Variants in PREX2 observed in about 807,000 individuals in gnomAD.
PREX2 encodes the protein phosphatidylinositol 3,4,5-trisphosphate-dependent Rac exchanger 2 protein.
A neutral mutation model predicts 203.2 loss-of-function variants in PREX2; 107 were observed. The observed-to-expected ratio is 0.53, with a 90% CI of 0.45 to 0.62. PREX2 has a LOEUF of 0.62. Among genes scored for constraint, PREX2 ranks in the 20% least tolerant of loss-of-function variants. PREX2 has a pLI of 0.00. For synonymous variants in PREX2, 672 were observed against 663.6 expected (o/e 1.01, Z -0.19); for missense variants, 1,777 against 1,955.9 (o/e 0.91, Z 1.72).
intron 4 of PREX2, among the ~76,000 whole-genome samples, chr8:68,024,395 A>G (rs1807654959): frequency 6.6e-6 from 1 of 151,932 alleles, no homozygotes; most frequent in Admixed American, 6.6e-5. Flanking sequence ...TGTTAGATTC[A>G]TATTTCTGTT....
intron 26 of PREX2, among the ~76,000 whole-genome samples, chr8:68,116,696 G>GTGGCTTA (rs1490940294): frequency 1.3e-5 from 2 of 152,126 alleles, no homozygotes; most frequent in Non-Finnish European, 2.9e-5. Flanking sequence ...ATTTTATAGG[G>GTGGCTTA]TGGCTTAAGG....
chr8:67,990,471 G>A (rs908535690), intron 1 of PREX2, among the ~76,000 whole-genome samples: 2 of 148,930 alleles, frequency 1.3e-5, no homozygotes, highest in Non-Finnish European at 3.0e-5. Context: ...GAATCATTTT[G>A]CCTTTTAAAA....
intron 30 of PREX2, among the ~76,000 whole-genome samples, chr8:68,121,277 A>G (rs188131564): frequency 3.0e-4 from 46 of 152,260 alleles, no homozygotes; most frequent in Non-Finnish European, 6.2e-4. Context: ...CAGTGAATAA[A>G]ATAAGGGCTC....
chr8:68,077,999 C>T (rs1371514612), intron 15 of PREX2, among the ~76,000 whole-genome samples: 5 of 151,854 alleles, frequency 3.3e-5, no homozygotes, highest in Non-Finnish European at 7.4e-5. Flanking sequence ...TCAAGTAAGT[C>T]ACCACAAAAC....
chr8:68,084,906 A>ACTTTC (rs1809635436), intron 18 of PREX2, among the ~76,000 whole-genome samples: 1 of 152,160 alleles, frequency 6.6e-6, no homozygotes, highest in African/African-American at 2.4e-5. Flanking sequence ...CTGATCAGAG[A>ACTTTC]CATTCCAACT....
At chr8:68,103,693 G>A (rs1303907128) in intron 23 of PREX2, 6 of 519,318 alleles carry the variant, frequency 1.2e-5, no homozygotes, top group Non-Finnish European at 2.3e-5. Context: ...TATCCTGATA[G>A]CATTCCTTGT....
At chr8:68,223,359 C>G (rs530199291) in intron 38 of PREX2, 1 of 152,064 alleles carries the variant, frequency 6.6e-6, no homozygotes, top group African/African-American at 2.4e-5. Flanking sequence ...GGGGAAAGAG[C>G]AGAATAATGA....
intron 37 of PREX2, among the ~76,000 whole-genome samples, chr8:68,208,253 CTG>C (rs1258081523): frequency 6.6e-6 from 1 of 152,118 alleles, no homozygotes; most frequent in African/African-American, 2.4e-5. Flanking sequence ...CATTAACACA[CTG>C]AACTGTACAC....
rs952536946 is a variant in PREX2, at chr8:68,232,754, A to T, written c.*1376A>T. On this transcript the variant is annotated 3_prime_UTR_variant, in exon 40 of 40. Coordinates refer to ENST00000288368, the MANE Select transcript of PREX2 (RefSeq NM_024870.4). ...TTGCCTCAGCCTCCCAGGAGCTGGG[A>T]CTACAGGTGTGCACCACCATGCTCA... The T allele has an allele frequency of 1.2e-4, 18 of 152,090 alleles. No homozygotes were observed. Among genetic ancestry groups the T allele is most frequent in the African/African-American group, 3.9e-4 (16 of 41,386 alleles). The allele number at this position is 152,090 out of a possible 1,614,324, so 9.4% of individuals were successfully genotyped here. A position where few individuals can be genotyped will look rare whatever the true frequency, so the allele number is the denominator to read the frequency against.
chr8:68,214,540 A>C (rs1359150937), intron 37 of PREX2, among the ~76,000 whole-genome samples: 1 of 152,048 alleles, frequency 6.6e-6, no homozygotes, highest in African/African-American at 2.4e-5. Context: ...CGTAAACCTG[A>C]CTCTGAGTAT....
intron 1 of PREX2, among the ~76,000 whole-genome samples, chr8:67,975,412 T>C (rs139820186): frequency 6.6e-6 from 1 of 151,888 alleles, no homozygotes; most frequent in East Asian, 1.9e-4. Flanking sequence ...TCTAATGCAG[T>C]GCCAGGCCTA....
At chr8:68,039,672 C>T (rs911826440) in intron 7 of PREX2, among the ~76,000 whole-genome samples, 1 of 152,138 alleles carries the variant, frequency 6.6e-6, no homozygotes, top group Non-Finnish European at 1.5e-5. Context: ...TCACTCCTCT[C>T]CCAGCTTTCC....
intron 35 of PREX2, among the ~76,000 whole-genome samples, chr8:68,169,274 C>A (rs923554540): frequency 7.2e-5 from 11 of 152,042 alleles, no homozygotes; most frequent in African/African-American, 2.7e-4. Flanking sequence ...CAGACCCAGG[C>A]CACGCACCCA....
At chr8:68,018,997 A>G (rs1025901742) in intron 2 of PREX2, among the ~76,000 whole-genome samples, 1 of 152,226 alleles carries the variant, frequency 6.6e-6, no homozygotes, top group African/African-American at 2.4e-5. Flanking sequence ...AATTGAAGAC[A>G]CTTTGGCTCA....
At chr8:68,114,486 G>GT (rs573581941) in intron 25 of PREX2, among the ~76,000 whole-genome samples, 17 of 152,250 alleles carry the variant, frequency 1.1e-4, no homozygotes, top group African/African-American at 3.6e-4. Flanking sequence ...CATTTTGCAA[G>GT]TTTTTTAGCA....
chr8:68,158,551 G>A (rs191377315), intron 35 of PREX2, among the ~76,000 whole-genome samples: 4 of 152,226 alleles, frequency 2.6e-5, no homozygotes, highest in Admixed American at 2.6e-4. Context: ...CTGATTTACA[G>A]AAATAACATT....
intron 1 of PREX2, among the ~76,000 whole-genome samples, chr8:67,967,441 T>C: frequency 6.6e-6 from 1 of 152,230 alleles, no homozygotes; most frequent in Non-Finnish European, 1.5e-5. Context: ...GAGCTTATTT[T>C]GTGGAGTGTT....
At chr8:68,122,201 G>A (rs1810788323) in intron 30 of PREX2, among the ~76,000 whole-genome samples, 1 of 152,024 alleles carries the variant, frequency 6.6e-6, no homozygotes, top group Admixed American at 6.6e-5. Context: ...CTTCTGCATA[G>A]ACTTATACTC....
chr8:68,038,413 C>A, intron 7 of PREX2, 121 bp downstream of exon 7: 2 of 984,080 alleles, frequency 2.0e-6, no homozygotes, highest in Non-Finnish European at 3.0e-6. Context: ...CTTCCCAGAG[C>A]CCATCATCCA....
Sources: allele counts gnomAD v4.1 joint callset (sites outside exome capture counted in the v4.1 genomes callset), GRCh38; gene constraint gnomAD v4.1.1; transcripts MANE v1.5; gene names NCBI Gene and HGNC (gene_info 2026-07-23, HGNC 2026-07-21).